Variants in CNTN6 observed in about 807,000 individuals in gnomAD.
CNTN6 encodes the protein contactin-6.
CNTN6 carries 137 observed loss-of-function variants against 122.8 expected under a neutral mutation model. The observed-to-expected ratio is 1.12, with a 90% confidence interval of 0.97 to 1.29. The LOEUF is 1.29. Ranked by LOEUF, CNTN6 falls within the 50% of genes most tolerant of loss-of-function variation. The pLI is 0.00. For missense variants in CNTN6, 1,634 were observed against 1,223.4 expected, an observed-to-expected ratio of 1.34 and a Z score of -5.01; for synonymous variants, 570 against 426.0, an observed-to-expected ratio of 1.34 and a Z score of -4.16.
intron 2 of CNTN6, among the ~76,000 whole-genome samples, chr3:1,182,071 CA>C (rs2093563040): frequency 6.6e-6 from 1 of 151,998 alleles, no homozygotes; most frequent in South Asian, 2.1e-4. Context: ...TCTAGGCATT[CA>C]ATATATATTG....
intron 1 of CNTN6, among the ~76,000 whole-genome samples, chr3:1,106,254 A>T (rs924144388): frequency 6.6e-6 from 1 of 152,168 alleles, no homozygotes; most frequent in African/African-American, 2.4e-5. Flanking sequence ...TTCTTCTTCA[A>T]AAACCCTCCC....
At chr3:1,316,632 C>G (rs1330638078) in intron 7 of CNTN6, among the ~76,000 whole-genome samples, 2 of 151,818 alleles carry the variant, frequency 1.3e-5, no homozygotes, top group Non-Finnish European at 2.9e-5. Context: ...AAGATTCTTG[C>G]TTATAAATGT....
At chr3:1,156,586 C>T (rs189439745) in intron 2 of CNTN6, among the ~76,000 whole-genome samples, 6 of 151,970 alleles carry the variant, frequency 3.9e-5, no homozygotes, top group Non-Finnish European at 7.4e-5. Flanking sequence ...ATATTTGAGT[C>T]TCAGACTTTC....
At chr3:1,225,410 A>G (rs1315700259) in intron 3 of CNTN6, among the ~76,000 whole-genome samples, 1 of 152,214 alleles carries the variant, frequency 6.6e-6, no homozygotes, top group African/African-American at 2.4e-5. Flanking sequence ...GGATACTGTG[A>G]AAAATTCATT....
chr3:1,341,746 T>G (rs888839707), intron 11 of CNTN6, among the ~76,000 whole-genome samples: 1 of 152,160 alleles, frequency 6.6e-6, no homozygotes, highest in Non-Finnish European at 1.5e-5. Flanking sequence ...ATTTGATGCT[T>G]CCTTTCTGCT....
intron 2 of CNTN6, among the ~76,000 whole-genome samples, chr3:1,165,262 C>A (rs1432541138): frequency 6.6e-6 from 1 of 152,174 alleles, no homozygotes; most frequent in African/African-American, 2.4e-5. Context: ...ATTCTCATTA[C>A]CGCTCATCTA....
chr3:1,278,376 T>A, intron 4 of CNTN6, 37 bp from the exon 5 acceptor site: 1 of 1,316,092 alleles, frequency 7.6e-7, no homozygotes, highest in Non-Finnish European at 1.1e-6. Context: ...TTCTGCAAAG[T>A]AACTAATTAT....
chr3:1,308,605 T>C (rs1698738419), intron 7 of CNTN6, among the ~76,000 whole-genome samples: 1 of 151,908 alleles, frequency 6.6e-6, no homozygotes, highest in Non-Finnish European at 1.5e-5. Context: ...ATTTGTATTA[T>C]GTTAAATTAA....
chr3:1,220,475 T>C (rs191631016), intron 2 of CNTN6, among the ~76,000 whole-genome samples: 8 of 152,308 alleles, frequency 5.3e-5, no homozygotes, highest in Admixed American at 3.9e-4. Flanking sequence ...CCTTTGTTTG[T>C]TGGAAATATA....
chr3:1,167,416 A>G (rs1386124328), intron 2 of CNTN6, among the ~76,000 whole-genome samples: 3 of 152,146 alleles, frequency 2.0e-5, no homozygotes. Context: ...ATCCATATCC[A>G]ATGTATCTTT....
chr3:1,256,059 C>A (rs2094752594), intron 4 of CNTN6, among the ~76,000 whole-genome samples: 1 of 151,888 alleles, frequency 6.6e-6, no homozygotes, highest in African/African-American at 2.4e-5. Context: ...TTTGTAGAGA[C>A]AAGGTCTCCC....
At chr3:1,223,092 G>A (rs1236054805) in intron 3 of CNTN6, among the ~76,000 whole-genome samples, 3 of 152,028 alleles carry the variant, frequency 2.0e-5, no homozygotes, top group Non-Finnish European at 4.4e-5. Flanking sequence ...TTTTTAAAAA[G>A]CCTCACAACT....
chr3:1,337,241 T>A (rs1213094496), intron 11 of CNTN6, among the ~76,000 whole-genome samples: 2 of 152,174 alleles, frequency 1.3e-5, no homozygotes, highest in African/African-American at 4.8e-5. Flanking sequence ...GTTTTTCCAA[T>A]CATCTGATCT....
chr3:1,162,289 TTTGTA>T (rs142375340), intron 2 of CNTN6, among the ~76,000 whole-genome samples: 83,902 of 151,504 alleles, frequency 0.55, 24,420 homozygotes, highest in African/African-American at 0.73. Flanking sequence ...AAGAACCTTG[TTTGTA>T]TTGTTTTGTT....
chr3:1,238,490 G>A (rs1402078695), intron 4 of CNTN6, among the ~76,000 whole-genome samples: 2 of 152,148 alleles, frequency 1.3e-5, no homozygotes, highest in Non-Finnish European at 1.5e-5. Flanking sequence ...CACAATAATA[G>A]TGGAGGACTT....
At chr3:1,281,464 C>CTT (rs4065407) in intron 5 of CNTN6, among the ~76,000 whole-genome samples, 96 of 136,958 alleles carry the variant, frequency 7.0e-4, no homozygotes, top group Admixed American at 1.7e-3. Flanking sequence ...TAAAAGTTGA[C>CTT]TTTTTTTTTT....
chr3:1,337,781 G>T (rs1703277190), intron 11 of CNTN6, among the ~76,000 whole-genome samples: 1 of 152,118 alleles, frequency 6.6e-6, no homozygotes, highest in South Asian at 2.1e-4. Flanking sequence ...GGGAATACAT[G>T]TTGGAGATGT....
intron 1 of CNTN6, among the ~76,000 whole-genome samples, chr3:1,099,253 C>T (rs914631463): frequency 8.5e-5 from 13 of 152,090 alleles, no homozygotes; most frequent in South Asian, 2.1e-4. Context: ...AGATCGAGAC[C>T]ATCCTGGCTA....
At chr3:1,283,889 A>G (rs1275400638) in intron 5 of CNTN6, among the ~76,000 whole-genome samples, 2 of 152,030 alleles carry the variant, frequency 1.3e-5, no homozygotes, top group Non-Finnish European at 2.9e-5. Context: ...AATCCCAGCT[A>G]CTCTGGGGCT....
Sources: allele counts gnomAD v4.1 joint callset (sites outside exome capture counted in the v4.1 genomes callset), GRCh38; gene constraint gnomAD v4.1.1; transcripts MANE v1.5; gene names NCBI Gene and HGNC (gene_info 2026-07-23, HGNC 2026-07-21).